The following ANKMY1 variants were observed in gnomAD, a reference collection of about 807,000 sequenced individuals.
The protein encoded by ANKMY1 is ankyrin repeat and MYND domain containing 1.
ANKMY1 carries 98 observed loss-of-function variants against 102.0 expected under a neutral mutation model. That is an observed-to-expected ratio of 0.96 (90% CI 0.82 to 1.14). The LOEUF (loss-of-function observed/expected upper bound fraction) is 1.14. Ranked by LOEUF, ANKMY1 falls within the 50% of genes most tolerant of loss-of-function variation. The pLI, the probability that ANKMY1 is intolerant of heterozygous loss-of-function variation, is 0.00. For synonymous variants in ANKMY1, 582 were observed against 559.9 expected, an observed-to-expected ratio of 1.04 and a Z score of -0.56; for missense variants, 1,330 against 1,347.6, an observed-to-expected ratio of 0.99 and a Z score of 0.20.
chr2:240,491,789 G>A (rs1389569627), intron 15 of ANKMY1, among the ~76,000 whole-genome samples: 3 of 151,932 alleles, frequency 2.0e-5, no homozygotes, highest in Non-Finnish European at 4.4e-5. Flanking sequence ...TTAGTCTTAA[G>A]GAATTTCCTT....
chr2:240,514,088 G>A (rs912079650), intron 9 of ANKMY1, among the ~76,000 whole-genome samples: 1 of 152,206 alleles, frequency 6.6e-6, no homozygotes, highest in African/African-American at 2.4e-5. Flanking sequence ...TACATGTTAT[G>A]TCACCCCTAA....
intron 13 of ANKMY1, among the ~76,000 whole-genome samples, chr2:240,504,827 C>A (rs529155183): frequency 6.6e-6 from 1 of 150,936 alleles, no homozygotes; most frequent in Non-Finnish European, 1.5e-5. Flanking sequence ...GCCAACATGG[C>A]GAAACCCCAT....
Position 240,483,362 on chromosome 2 carries a change from G to GGC in ANKMY1, c.2807-1103_2807-1102dup, listed in dbSNP as rs1287266715. On this transcript the variant is annotated intron_variant, in intron 15 of 17. Coordinates refer to ENST00000401804, the MANE Select transcript of ANKMY1 (RefSeq NM_001282771.3). ...AGTAGAGACAGGGTTTCACCGTATT[G>GGC]GCCAGGCTGGTCTCAAACCCCTGAC... 4.6e-5 allele frequency among the ~76,000 whole-genome samples: 7 copies of GGC among 152,198 alleles called. No homozygotes were observed. In the South Asian group the frequency reaches 8.3e-4, roughly 18 times the overall value.
At chr2:240,560,389 G>GCCGCCTCGCCCGTACCTCCACCGTTGGT, upstream of ANKMY1, 1 of 272,286 alleles carries the variant, frequency 3.7e-6, no homozygotes. Flanking sequence ...AGGCCGCGGG[G>GCCGCCTCGCCCGTACCTCCACCGTTGGT]GCGGGGAGGA....
At position 240,554,974 on chromosome 2, in the gene ANKMY1, G is replaced by T; in HGVS notation, c.228C>A (p.Ile76=). The change falls in exon 3 of 18, where the codon ATC becomes ATA. Residue 76 remains isoleucine, a synonymous_variant. Coordinates refer to ENST00000401804, the MANE Select transcript of ANKMY1 (RefSeq NM_001282771.3). ...ACTCCTGCACACCCTGGACGAGCTGGATGTAGGACTCCCTCAGGTCCTGCG... is the reference window on the plus strand; with the variant it reads ...ACTCCTGCACACCCTGGACGAGCTGTATGTAGGACTCCCTCAGGTCCTGCG... ...LRAQDLRESY[I]QLVQGVQEWQ... is the part of the protein sequence containing the mutation. 4 of 1,614,204 alleles carry T rather than the reference G, an allele frequency of 2.5e-6. No homozygotes were observed. The highest frequency in any genetic ancestry group is 3.4e-6 in the Non-Finnish European group (4 of 1,180,036).
At chr2:240,532,671 G>A (rs1342833737) in intron 4 of ANKMY1, among the ~76,000 whole-genome samples, 3 of 152,142 alleles carry the variant, frequency 2.0e-5, no homozygotes, top group Non-Finnish European at 4.4e-5. Flanking sequence ...GCACATACAT[G>A]TATACACTTG....
At position 240,506,052 on chromosome 2, in the gene ANKMY1, C is replaced by T. The variant is rs1003661878; in HGVS notation, c.2526+1508G>A. Among the ~76,000 whole-genome samples the T allele has an allele frequency of 6.6e-6, 1 of 151,982 alleles. No homozygotes were observed. The highest frequency in any genetic ancestry group is 6.6e-5 in the Admixed American group (1 of 15,254). ...TGAGGCACCGGGGAGCCTCCTAACC[C>T]CGGACAAGATGCTGGGGAGCCCCCT... On this transcript the variant is annotated intron_variant, in intron 13 of 17. Coordinates refer to ENST00000401804, the MANE Select transcript of ANKMY1 (RefSeq NM_001282771.3). This position sits in a 1 kb window ranked among gnomAD's most constrained non-coding sequence, Gnocchi z 4.9.
chr2:240,560,795 G>T, upstream of ANKMY1: 1 of 1,450,052 alleles, frequency 6.9e-7, no homozygotes, highest in Non-Finnish European at 9.0e-7. Context: ...CGGGCGCGGA[G>T]GAGCAGCTGG....
At chr2:240,518,101 G>T (rs1301033337) in intron 9 of ANKMY1, among the ~76,000 whole-genome samples, 2 of 152,204 alleles carry the variant, frequency 1.3e-5, no homozygotes, top group Non-Finnish European at 2.9e-5. Context: ...GAATGGGGGG[G>T]AAGGGTGTTG....
chr2:240,497,492 T>A (rs2077416194), intron 15 of ANKMY1, among the ~76,000 whole-genome samples: 5 of 152,246 alleles, frequency 3.3e-5, no homozygotes. Flanking sequence ...ACATTCTCTG[T>A]TCTTACTGAA....
chr2:240,505,048 C>CAA (rs56217226), intron 13 of ANKMY1, among the ~76,000 whole-genome samples: 7 of 151,810 alleles, frequency 4.6e-5, no homozygotes, highest in East Asian at 3.9e-4. Flanking sequence ...TGGCTACTAT[C>CAA]AAAAAAACAG....
chr2:240,524,508 C>T, intron 7 of ANKMY1, 127 bp from the exon 8 acceptor site: 3 of 1,073,010 alleles, frequency 2.8e-6, no homozygotes, highest in East Asian at 5.1e-5. Flanking sequence ...GCTGAAAAGA[C>T]CAGGGCAGCT....
chr2:240,474,182 G>A, the ANKMY1 span, among the ~76,000 whole-genome samples: 6 of 150,776 alleles, frequency 4.0e-5, no homozygotes, highest in South Asian at 2.1e-4. Flanking sequence ...TGCAAGCTCC[G>A]CCTCCCAGGT....
intron 5 of ANKMY1, among the ~76,000 whole-genome samples, chr2:240,528,218 G>A (rs577501244): frequency 2.0e-5 from 3 of 152,128 alleles, no homozygotes; most frequent in South Asian, 2.1e-4. Context: ...CCCAGGAGGC[G>A]GAGGTTGCAG....
At position 240,529,163 on chromosome 2, in the gene ANKMY1, C is replaced by T. The variant is rs201742759; in HGVS notation, c.827G>A (p.Arg276His). 1.1e-5 allele frequency: 17 copies of T among 1,614,158 alleles called. No individual in the cohort carries two copies. Among genetic ancestry groups the T allele is most frequent in the East Asian group, 4.5e-5 (2 of 44,868 alleles). ...GAAGATGCGGGCGTCCAGCTCTTTG[C>T]GGAAAGAGCTTGTCATGGGCAGGTG... ...SDHLPMTSSF[R>H]KELDARIFLN... The change falls in exon 5 of 18, where the codon CGC (arginine) becomes CAC (histidine). Residue 276 changes from arginine to histidine, a missense_variant. Transcript: ENST00000401804. The surrounding 1 kb of genome is among the most constrained non-coding windows in gnomAD (Gnocchi z 4.2).
At chr2:240,489,469 AAG>A (rs1382533204) in intron 15 of ANKMY1, among the ~76,000 whole-genome samples, 2 of 152,004 alleles carry the variant, frequency 1.3e-5, no homozygotes, top group Non-Finnish European at 2.9e-5. Context: ...AAAAAAAAAA[AAG>A]AGTTTTTATC....
upstream of ANKMY1, chr2:240,558,089 G>A: frequency 4.7e-6 from 3 of 641,612 alleles, no homozygotes; most frequent in Non-Finnish European, 5.8e-6. Flanking sequence ...CCCCGCCTCC[G>A]GGCGTGCCCG....
At position 240,496,556 on chromosome 2, in the gene ANKMY1, G is replaced by T. The variant is rs377212082; in HGVS notation, c.2806+3402C>A. Among the ~76,000 whole-genome samples the T allele has an allele frequency of 7.2e-4, 109 of 152,154 alleles. 1 individual carries two copies. The highest frequency in any genetic ancestry group is 2.6e-3 in the African/African-American group (108 of 41,494). ...TGGGGCTGGATATTACTATCTGTTT[G>T]CTTATTTGGTTAATGACCAGCTGGG... On this transcript the variant is annotated intron_variant, in intron 15 of 17. Transcript: ENST00000401804.
chr2:240,479,928 T>C (rs959656410), intron 17 of ANKMY1, among the ~76,000 whole-genome samples: 2 of 152,110 alleles, frequency 1.3e-5, no homozygotes, highest in African/African-American at 2.4e-5. Flanking sequence ...AAAAGCCCCA[T>C]TGGCTGCGCG....
Sources: gnomAD v4.1 joint callset for allele counts (sites outside exome capture counted in the v4.1 genomes callset) on GRCh38, gnomAD v4.1.1 for gene constraint, Gnocchi (gnomAD v3.1) non-coding constraint, MANE v1.5 for transcripts, NCBI Gene and HGNC (gene_info 2026-07-23, HGNC 2026-07-21) for gene names.